The following WDR25 variants were observed in gnomAD, a reference collection of about 807,000 sequenced individuals.
WDR25 encodes WD repeat domain 25, also known as WD repeat-containing protein 25.
WDR25 carries 35 observed loss-of-function variants against 47.7 expected under a neutral mutation model. That is an observed-to-expected ratio of 0.73 (90% CI 0.56 to 0.97). WDR25 has a LOEUF of 0.97. Ranked by LOEUF, WDR25 falls within the 50% of genes least tolerant of loss-of-function variation. The pLI is 0.00. For missense variants in WDR25, 634 were observed against 704.7 expected (o/e 0.90, Z 1.14); for synonymous variants, 248 against 278.9 (o/e 0.89, Z 1.10).
rs1447227298 is a variant in WDR25, at chr14:100,468,184, C to T, written c.970+16C>T. The stretch of plus-strand genomic sequence containing the variant: ...CTTGAAACAGGTGCGTTTCTTGTGT[C>T]ACCTCCCTGAGGTGAGCTGGCAGCT... On this transcript the variant is annotated intron_variant, in intron 3 of 6. Coordinates refer to ENST00000402312, the MANE Select transcript of WDR25 (RefSeq NM_001161476.3). The surrounding 1 kb of genome is among the most constrained non-coding windows in gnomAD (Gnocchi z 4.5). 3.1e-6 allele frequency: 5 copies of T among 1,607,096 alleles called. No individual in the cohort carries two copies. The highest frequency in any genetic ancestry group is 4.2e-6 in the Non-Finnish European group (5 of 1,176,832).
rs144754220 is a variant in WDR25 at position 100,530,000 on chromosome 14, G to A, written c.1594G>A (p.Ala532Thr). 189 of 1,613,012 alleles carry A rather than the reference G, an allele frequency of 1.2e-4. No homozygotes were observed. The highest frequency in any genetic ancestry group is 1.6e-4 in the Non-Finnish European group (183 of 1,179,818). ...TCACCCCGTGCTGCCCTCCGTCCTC[G>A]CCACCTGCTCCTGGGGAGGGGACAT... Reference protein sequence around the residue: ...TYHPVLPSVLATCSWGGDMKI... With the variant: ...TYHPVLPSVLTTCSWGGDMKI... Residue 532 changes from alanine to threonine, a missense_variant, in exon 7 of 7, where the codon GCC becomes ACC. Transcript: ENST00000402312. This position sits in a 1 kb window ranked among gnomAD's most constrained non-coding sequence, Gnocchi z 5.1.
At chr14:100,469,961 C>G (rs1012338902) in intron 3 of WDR25, among the ~76,000 whole-genome samples, 2 of 152,196 alleles carry the variant, frequency 1.3e-5, no homozygotes, top group Non-Finnish European at 2.9e-5. Context: ...AGACCCAGTG[C>G]CTACCCTGGA....
At chr14:100,487,254 A>C (rs1366206723) in intron 4 of WDR25, among the ~76,000 whole-genome samples, 1 of 152,254 alleles carries the variant, frequency 6.6e-6, no homozygotes, top group Non-Finnish European at 1.5e-5. Context: ...ATGCTTTAAC[A>C]TATTAAACCA....
At chr14:100,504,185 G>A (rs1340908393) in intron 4 of WDR25, among the ~76,000 whole-genome samples, 1 of 151,988 alleles carries the variant, frequency 6.6e-6, no homozygotes, top group Non-Finnish European at 1.5e-5. Context: ...TTAAAAAACT[G>A]TTATCCCATC....
In WDR25 at chr14:100,440,229, A is replaced by G. The variant is rs146707069; in HGVS notation, c.823-27792A>G. The stretch of plus-strand genomic sequence containing the variant: ...ATTCCTCTCTTTATGTGTGTCAGTC[A>G]TAGCAGGGGAGTGTTTTCCTCTTGG... On this transcript the variant is annotated intron_variant, in intron 2 of 6. Coordinates refer to ENST00000402312, the MANE Select transcript of WDR25 (RefSeq NM_001161476.3). This position sits in a 1 kb window ranked among gnomAD's most constrained non-coding sequence, Gnocchi z 4.4. Among the ~76,000 whole-genome samples, 16 of 152,310 alleles carry G rather than the reference A, an allele frequency of 1.1e-4. No homozygotes were observed. The highest frequency in any genetic ancestry group is 1.9e-4 in the Non-Finnish European group (13 of 68,014).
chr14:100,462,238 T>C (rs1297335073), intron 2 of WDR25, among the ~76,000 whole-genome samples: 1 of 152,238 alleles, frequency 6.6e-6, no homozygotes, highest in African/African-American at 2.4e-5. Context: ...TTACTTGTCA[T>C]ATTCTTTTCA....
Position 100,468,052 on chromosome 14 carries a change from T to C in WDR25, c.854T>C (p.Leu285Pro). Residue 285 changes from leucine (L) to proline (P), a missense_variant, in exon 3 of 7, where the codon CTG becomes CCG. Leu to Pro is a moderately conservative substitution (Grantham distance 98). Coordinates refer to ENST00000402312, the MANE Select transcript of WDR25 (RefSeq NM_001161476.3). The surrounding 1 kb of genome is among the most constrained non-coding windows in gnomAD (Gnocchi z 4.5). ...VWNAVDSGHC[L>P]QTYSLHTEAV... ...AACGCCGTGGACTCCGGGCACTGCC[T>C]GCAGACCTACTCCCTGCACACAGAG... 6.2e-7 allele frequency: 1 copy of C among 1,613,458 alleles called. No individual in the cohort carries two copies. The highest frequency in any genetic ancestry group is 8.5e-7 in the Non-Finnish European group (1 of 1,180,040).
rs1431824028 is a variant in WDR25 at position 100,500,041 on chromosome 14, C to T, written c.1101+15917C>T. Among the ~76,000 whole-genome samples the T allele has an allele frequency of 6.6e-6, 1 of 152,108 alleles. No individual in the cohort carries two copies. The highest frequency in any genetic ancestry group is 6.5e-5 in the Admixed American group (1 of 15,276). ...GTCTTGCAGCCTGCCTGGCCCCGCT[C>T]CACCCAGAGGTTCCCTGGGACCTGG... is the stretch of plus-strand genomic sequence containing the variant. On this transcript the variant is annotated intron_variant, in intron 4 of 6. Coordinates refer to ENST00000402312, the MANE Select transcript of WDR25 (RefSeq NM_001161476.3). This position sits in a 1 kb window ranked among gnomAD's most constrained non-coding sequence, Gnocchi z 4.7.
At chr14:100,484,495 T>C (rs1224655132) in intron 4 of WDR25, among the ~76,000 whole-genome samples, 1 of 152,068 alleles carries the variant, frequency 6.6e-6, no homozygotes, top group Non-Finnish European at 1.5e-5. Context: ...CGTGTGTGTG[T>C]GTGCGCACTT....
intron 2 of WDR25, among the ~76,000 whole-genome samples, chr14:100,451,108 G>A (rs1899015464): frequency 6.6e-6 from 1 of 152,210 alleles, no homozygotes; most frequent in East Asian, 1.9e-4. Flanking sequence ...ATGTACCATA[G>A]TGACTGAGTC....
Position 100,498,759 on chromosome 14 carries a change from T to G in WDR25, c.1101+14635T>G, listed in dbSNP as rs56106727. On this transcript the variant is annotated intron_variant, in intron 4 of 6. Coordinates refer to ENST00000402312, the MANE Select transcript of WDR25 (RefSeq NM_001161476.3). The surrounding 1 kb of genome is among the most constrained non-coding windows in gnomAD (Gnocchi z 4.2). ...CTTGCTGAGGGATAGGTGGGGTCTGTATTCCATTCCAAGCCCTGCTGGCCA... is the reference window on the plus strand; with the variant it reads ...CTTGCTGAGGGATAGGTGGGGTCTGGATTCCATTCCAAGCCCTGCTGGCCA... Among the ~76,000 whole-genome samples, 18,472 of 152,228 alleles carry G rather than the reference T, an allele frequency of 0.12. 3,667 individuals are homozygous for G. Among genetic ancestry groups the G allele is most frequent in the African/African-American group, 0.42 (17,291 of 41,488 alleles).
chr14:100,414,541 G>T (rs969778621), intron 2 of WDR25, among the ~76,000 whole-genome samples: 6 of 151,136 alleles, frequency 4.0e-5, no homozygotes, highest in Admixed American at 3.3e-4. Context: ...TCGAACTCCT[G>T]ACCTCAGGTA....
intron 2 of WDR25, among the ~76,000 whole-genome samples, chr14:100,466,692 T>C (rs4905962): frequency 0.65 from 98,403 of 152,116 alleles, 32,177 homozygotes; most frequent in Admixed American, 0.72. Flanking sequence ...AGCAGCCGTA[T>C]CAGGTGGGAG....
At chr14:100,446,609 CA>C (rs1182424815) in intron 2 of WDR25, among the ~76,000 whole-genome samples, 1 of 147,126 alleles carries the variant, frequency 6.8e-6, no homozygotes, top group East Asian at 2.0e-4. Flanking sequence ...GTAAGTAACA[CA>C]ATACCAATCA....
intron 2 of WDR25, among the ~76,000 whole-genome samples, chr14:100,414,921 G>T (rs1897828471): frequency 6.7e-6 from 1 of 149,920 alleles, no homozygotes; most frequent in African/African-American, 2.5e-5. Flanking sequence ...AAAAAAAGAA[G>T]AAAAAAAGGT....
At chr14:100,403,919 A>C (rs1309089452) in intron 2 of WDR25, among the ~76,000 whole-genome samples, 9 of 152,180 alleles carry the variant, frequency 5.9e-5, no homozygotes, top group Non-Finnish European at 1.0e-4. Flanking sequence ...GGACCCAGGG[A>C]AAGTACTGCC....
chr14:100,443,743 A>T (rs1278828687), intron 2 of WDR25, among the ~76,000 whole-genome samples: 1 of 152,198 alleles, frequency 6.6e-6, no homozygotes, highest in Non-Finnish European at 1.5e-5. Flanking sequence ...ATGACAGTTT[A>T]ATTTGTTCTT....
chr14:100,453,333 C>A (rs1006630188), intron 2 of WDR25, among the ~76,000 whole-genome samples: 1 of 152,204 alleles, frequency 6.6e-6, no homozygotes, highest in Non-Finnish European at 1.5e-5. Context: ...CCTGCCCCAC[C>A]TCTCACAGTA....
intron 2 of WDR25, among the ~76,000 whole-genome samples, chr14:100,391,603 C>T (rs1897147148): frequency 6.6e-6 from 1 of 152,024 alleles, no homozygotes. Flanking sequence ...ATTTTCTCTC[C>T]ACCCAGAGGC....
Sources: gnomAD v4.1 joint callset for allele counts (sites outside exome capture counted in the v4.1 genomes callset) on GRCh38, gnomAD v4.1.1 for gene constraint, Gnocchi (gnomAD v3.1) non-coding constraint, MANE v1.5 for transcripts, NCBI Gene and HGNC (gene_info 2026-07-23, HGNC 2026-07-21) for gene names.